The following GASK1B variants were observed in gnomAD, a reference collection of about 807,000 sequenced individuals.
GASK1B encodes golgi associated kinase 1B, also known as Golgi-associated kinase 1B.
GASK1B carries 34 observed loss-of-function variants against 42.8 expected under a neutral mutation model. That is an observed-to-expected ratio of 0.79 (90% CI 0.60 to 1.06). GASK1B has a LOEUF of 1.06. GASK1B is among the 50% of genes least tolerant of loss of function. GASK1B has a pLI of 0.00. For missense variants in GASK1B, 686 were observed against 661.0 expected (o/e 1.04, Z -0.42); for synonymous variants, 262 against 259.1 (o/e 1.01, Z -0.11).
chr4:158,143,855 C>CTG (rs1731228682), intron 3 of GASK1B, among the ~76,000 whole-genome samples: 2 of 152,170 alleles, frequency 1.3e-5, no homozygotes, highest in South Asian at 4.1e-4. Context: ...ATCCTTTGTG[C>CTG]TGTCTCCTGA....
intron 3 of GASK1B, among the ~76,000 whole-genome samples, chr4:158,148,383 A>G (rs936506533): frequency 1.3e-5 from 2 of 152,202 alleles, no homozygotes; most frequent in East Asian, 1.9e-4. Context: ...TTCATACCTT[A>G]CTATTGAATT....
At chr4:158,127,863 C>T (rs1002195782) in intron 4 of GASK1B, among the ~76,000 whole-genome samples, 3 of 152,056 alleles carry the variant, frequency 2.0e-5, no homozygotes, top group Admixed American at 6.6e-5. Flanking sequence ...AAGGTCATTC[C>T]GTACACTCAA....
intron 4 of GASK1B, 71 bp from the exon 5 acceptor site, chr4:158,127,685 C>T: frequency 1.5e-6 from 2 of 1,345,108 alleles, no homozygotes. Flanking sequence ...AACTGTCCTG[C>T]CTTTCATTAA....
intron 3 of GASK1B, among the ~76,000 whole-genome samples, chr4:158,150,148 A>G (rs780815685): frequency 2.4e-4 from 37 of 151,866 alleles, no homozygotes; most frequent in African/African-American, 9.0e-4. Flanking sequence ...GATGGTCTCG[A>G]TCTCCTGACC....
chr4:158,131,897 A>C (rs1255476940), intron 3 of GASK1B, among the ~76,000 whole-genome samples: 1 of 152,138 alleles, frequency 6.6e-6, no homozygotes, highest in Non-Finnish European at 1.5e-5. Context: ...CCTGGTAGAA[A>C]GATTGATGAA....
chr4:158,133,821 A>C (rs1012042635), intron 3 of GASK1B, among the ~76,000 whole-genome samples: 1 of 152,206 alleles, frequency 6.6e-6, no homozygotes, highest in Non-Finnish European at 1.5e-5. Flanking sequence ...AGGTGTGTGC[A>C]TTCAGCCCAA....
At chr4:158,157,217 G>A (rs1731790097) in intron 2 of GASK1B, among the ~76,000 whole-genome samples, 1 of 152,072 alleles carries the variant, frequency 6.6e-6, no homozygotes, top group Non-Finnish European at 1.5e-5. Context: ...AGGGCATGTG[G>A]AAAGTCTATT....
Position 158,124,496 on chromosome 4 carries a change from A to G in GASK1B, c.*2911T>C, listed in dbSNP as rs1019399304. 1.3e-5 allele frequency: 2 copies of G among 152,166 alleles called. No homozygotes were observed. The highest frequency in any genetic ancestry group is 1.3e-4 in the Admixed American group (2 of 15,262). 9.4% of individuals were successfully genotyped at this position (152,166 alleles called of 1,614,324 possible). A position where few individuals can be genotyped will look rare whatever the true frequency, so the allele number is the denominator to read the frequency against. ...TATCATCTTTATTTGACCCATGTTC[A>G]ATTTCCATATAATTTTCAGATGAAT... is the stretch of plus-strand genomic sequence containing the variant. On this transcript the variant is annotated 3_prime_UTR_variant, in exon 5 of 5. Transcript: ENST00000585682.
At chr4:158,155,489 C>G (rs1180219219) in intron 3 of GASK1B, 122 bp downstream of exon 3, 1 of 849,130 alleles carries the variant, frequency 1.2e-6, no homozygotes, top group African/African-American at 1.7e-5. Context: ...ACTTTTGCAC[C>G]AAGCTAATAG....
intron 3 of GASK1B, among the ~76,000 whole-genome samples, chr4:158,133,381 G>C (rs968681049): frequency 8.5e-5 from 13 of 152,068 alleles, no homozygotes; most frequent in Admixed American, 4.6e-4. Flanking sequence ...AACCCGTAAA[G>C]AAAATGCTAC....
chr4:158,127,532 A>C lies in GASK1B; in HGVS notation c.1435T>G (p.Tyr479Asp). The change falls in exon 5 of 5, where the codon TAT (tyrosine) becomes GAT (aspartate). Residue 479 changes from tyrosine to aspartate, a missense_variant. Physicochemically the swap from Tyr to Asp is radical, Grantham distance 160. Transcript: ENST00000585682. ...TGTCTACCTCCTTGACTTTCCCAAT[A>C]CACTTTATCAAGAAACAGAGACTGA... ...LLQSLFLDKV[Y>D]WESQGGRQGI... is the part of the protein sequence containing the mutation. 6.2e-7 allele frequency: 1 copy of C among 1,613,728 alleles called. No homozygotes were observed. Among genetic ancestry groups the C allele is most frequent in the Non-Finnish European group, 8.5e-7 (1 of 1,179,802 alleles).
At chr4:158,165,734 C>T (rs1006087998) in intron 2 of GASK1B, among the ~76,000 whole-genome samples, 3 of 152,092 alleles carry the variant, frequency 2.0e-5, no homozygotes, top group Non-Finnish European at 1.5e-5. Context: ...ACAGAAGCAA[C>T]GTGAGGAAAC....
intron 2 of GASK1B, among the ~76,000 whole-genome samples, chr4:158,160,135 A>C (rs768166886): frequency 6.6e-6 from 1 of 152,184 alleles, no homozygotes; most frequent in African/African-American, 2.4e-5. Flanking sequence ...TATAATACCC[A>C]TTGAAGAAAA....
intron 4 of GASK1B, among the ~76,000 whole-genome samples, chr4:158,130,202 CTT>C: frequency 6.6e-6 from 1 of 152,308 alleles, no homozygotes; most frequent in African/African-American, 2.4e-5. Context: ...GTGTTAGATA[CTT>C]TTCCCCTTAA....
chr4:158,149,962 T>C (rs962438820), intron 3 of GASK1B, among the ~76,000 whole-genome samples: 1 of 105,618 alleles, frequency 9.5e-6, no homozygotes, highest in Non-Finnish European at 1.9e-5. Context: ...TCTCACTCTG[T>C]CGCCCAGTTT....
At chr4:158,152,427 G>A (rs1731592642) in intron 3 of GASK1B, among the ~76,000 whole-genome samples, 1 of 152,026 alleles carries the variant, frequency 6.6e-6, no homozygotes, top group Admixed American at 6.6e-5. Context: ...AAGAAGAATT[G>A]TAACCAATCC....
At chr4:158,150,821 C>T (rs1268003909) in intron 3 of GASK1B, among the ~76,000 whole-genome samples, 1 of 152,140 alleles carries the variant, frequency 6.6e-6, no homozygotes, top group Non-Finnish European at 1.5e-5. Context: ...TGCTGACCAC[C>T]TCCTTGCCAA....
intron 2 of GASK1B, chr4:158,170,176 T>A: frequency 6.5e-7 from 1 of 1,539,922 alleles, no homozygotes; most frequent in Non-Finnish European, 8.8e-7. Flanking sequence ...TTGGCTTTAA[T>A]TAGATTTAAT....
In GASK1B at chr4:158,142,093, C is replaced by T. The variant is rs890866265; in HGVS notation, c.1126-11081G>A. On this transcript the variant is annotated intron_variant, in intron 3 of 4. Transcript: ENST00000585682. Reference sequence around the variant, plus strand: ...CCGAGTAGCTGGGACTACAGGCGCCCGCCACCACGCCCGGCTAATTTTTTG... The same window carrying T: ...CCGAGTAGCTGGGACTACAGGCGCCTGCCACCACGCCCGGCTAATTTTTTG... Among the ~76,000 whole-genome samples, 7 of 148,730 alleles carry T rather than the reference C, an allele frequency of 4.7e-5. No homozygotes were observed. In the East Asian group the frequency reaches 6.0e-4, roughly 13 times the overall value.
Sources: allele counts gnomAD v4.1 joint callset (sites outside exome capture counted in the v4.1 genomes callset), GRCh38; gene constraint gnomAD v4.1.1; transcripts MANE v1.5; gene names NCBI Gene and HGNC (gene_info 2026-07-23, HGNC 2026-07-21).